EHMT1: variants seen among roughly 807,000 people sequenced by gnomAD.
The protein encoded by EHMT1 is euchromatic histone lysine methyltransferase 1, also known as histone-lysine N-methyltransferase EHMT1.
EHMT1 carries 15 observed loss-of-function variants against 147.2 expected under a neutral mutation model. The ratio of observed to expected loss-of-function variants is 0.10; its 90% CI spans 0.07 to 0.16. The LOEUF is 0.16. Ranked by LOEUF, EHMT1 falls within the 10% of genes least tolerant of loss-of-function variation. The pLI, the probability that EHMT1 is intolerant of heterozygous loss-of-function variation, is 1.00. For synonymous variants in EHMT1, 795 were observed against 709.6 expected, an observed-to-expected ratio of 1.12 and a Z score of -1.91; for missense variants, 1,587 against 1,772.4, an observed-to-expected ratio of 0.90 and a Z score of 1.88.
chr9:137,755,267 GCA>G (rs1949295276), intron 8 of EHMT1, among the ~76,000 whole-genome samples: 1 of 152,114 alleles, frequency 6.6e-6, no homozygotes, highest in African/African-American at 2.4e-5. Flanking sequence ...CTGCTCCCAG[GCA>G]GCCCCTGGTC....
Position 137,817,622 on chromosome 9 carries a change from C to T in EHMT1, c.3461+97C>T. 2.0e-6 allele frequency: 3 copies of T among 1,504,316 alleles called. No homozygotes were observed. In the South Asian group the frequency reaches 3.4e-5, roughly 17 times the overall value. 93.2% of individuals were successfully genotyped at this position (1,504,316 alleles called of 1,614,324 possible). On this transcript the variant is annotated intron_variant, in intron 24 of 26. Transcript: ENST00000460843. ...CAGGAAGCCCCTCTGGGAGCAGGCA[C>T]ATCCCTGGCGTACAGCAGCGTGGGG... is the stretch of plus-strand genomic sequence containing the variant.
intron 6 of EHMT1, chr9:137,746,643 A>C (rs1377221743): frequency 1.3e-5 from 2 of 152,230 alleles, no homozygotes; most frequent in Non-Finnish European, 2.9e-5. Flanking sequence ...GAATGGGGGA[A>C]GTTTATGACA....
At chr9:137,816,274 C>CGGCATGAGAGAAGGAGCAGGTTGTTG (rs1319598638) in intron 23 of EHMT1, 1 of 615,292 alleles carries the variant, frequency 1.6e-6, no homozygotes, top group African/African-American at 1.8e-5. Context: ...GCACAGACTT[C>CGGCATGAGAGAAGGAGCAGGTTGTTG]GGCATGAGAG....
At chr9:137,651,691 A>AG (rs2133954519) in intron 1 of EHMT1, among the ~76,000 whole-genome samples, 1 of 152,308 alleles carries the variant, frequency 6.6e-6, no homozygotes, top group South Asian at 2.1e-4. Flanking sequence ...GCTACTTGGG[A>AG]GGCTGAGGCA....
intron 1 of EHMT1, among the ~76,000 whole-genome samples, chr9:137,671,661 A>T (rs779467827): frequency 3.3e-4 from 50 of 151,280 alleles, no homozygotes; most frequent in Non-Finnish European, 6.3e-4. Context: ...GGTAGCTTGG[A>T]CTACAGGCGT....
intron 10 of EHMT1, among the ~76,000 whole-genome samples, chr9:137,773,912 C>G (rs1269878906): frequency 2.0e-5 from 3 of 152,192 alleles, no homozygotes; most frequent in South Asian, 2.1e-4. Context: ...AGAGAACTTT[C>G]CGTAGCAAAC....
intron 19 of EHMT1, 71 bp downstream of exon 19, chr9:137,811,686 A>G (rs1954498167): frequency 1.3e-6 from 2 of 1,590,890 alleles, no homozygotes; most frequent in African/African-American, 1.3e-5. Context: ...ACCGCTTGAC[A>G]GTCTTGTGTT....
intron 1 of EHMT1, among the ~76,000 whole-genome samples, chr9:137,709,084 G>A (rs180862816): frequency 6.9e-4 from 105 of 152,320 alleles, no homozygotes; most frequent in African/African-American, 2.2e-3. Context: ...TGACCTGGTC[G>A]ATGCAAAGGG....
chr9:137,779,839 T>C, intron 14 of EHMT1, 122 bp downstream of exon 14: 1 of 1,078,110 alleles, frequency 9.3e-7, no homozygotes, highest in South Asian at 1.3e-5. Flanking sequence ...TTTCTGTGTC[T>C]CCGAGTTCTC....
intron 4 of EHMT1, among the ~76,000 whole-genome samples, chr9:137,740,440 C>T (rs1947955346): frequency 6.6e-6 from 1 of 152,144 alleles, no homozygotes; most frequent in Admixed American, 6.5e-5. Context: ...GGCCCTCGAG[C>T]CTCTTCGAAG....
intron 15 of EHMT1, among the ~76,000 whole-genome samples, chr9:137,789,633 G>T (rs1255205330): frequency 6.6e-6 from 1 of 152,212 alleles, no homozygotes; most frequent in African/African-American, 2.4e-5. Context: ...CTGACCCTTG[G>T]TCTGTGGACC....
At chr9:137,820,964 G>A (rs1178451479) in intron 25 of EHMT1, among the ~76,000 whole-genome samples, 4 of 152,112 alleles carry the variant, frequency 2.6e-5, no homozygotes, top group East Asian at 1.9e-4. Flanking sequence ...TGCAAGCTCC[G>A]CCTCCCAGGT....
In EHMT1 at chr9:137,790,915, A is replaced by G; in HGVS notation, c.2450A>G (p.Asn817Ser). The G allele has an allele frequency of 6.2e-7, 1 of 1,614,152 alleles. No homozygotes were observed. Among genetic ancestry groups the G allele is most frequent in the Non-Finnish European group, 8.5e-7 (1 of 1,180,030 alleles). ...CCGTTGATGGAAGCAGCCGAAAACA[A>G]CCATCTGGAAGCAGTGAAGTACCTC... ...RTPLMEAAEN[N>S]HLEAVKYLIK... is the part of the protein sequence containing the mutation. The change falls in exon 16 of 27, where the codon AAC (asparagine) becomes AGC (serine). Residue 817 changes from asparagine (N) to serine (S), a missense_variant. Transcript: ENST00000460843.
rs895907793 is a variant in EHMT1, at chr9:137,830,545, T to G, written c.3541-3804T>G. Among the ~76,000 whole-genome samples, 3 of 152,252 alleles carry G rather than the reference T, an allele frequency of 2.0e-5. 1 individual carries two copies. Among genetic ancestry groups the G allele is most frequent in the Non-Finnish European group, 1.5e-5 (1 of 68,038 alleles). On this transcript the variant is annotated intron_variant, in intron 25 of 26. Coordinates refer to ENST00000460843, the MANE Select transcript of EHMT1 (RefSeq NM_024757.5). ...ATCTCTTACAATAAAAATTTTGGTT[T>G]CTAAAATCTTTAGTTTCAAAATAGC...
chr9:137,665,567 C>T (rs952008735), intron 1 of EHMT1, among the ~76,000 whole-genome samples: 8 of 152,304 alleles, frequency 5.3e-5, no homozygotes, highest in East Asian at 1.9e-4. Flanking sequence ...GGTAAAATGT[C>T]TCTGTGAGTT....
intron 1 of EHMT1, among the ~76,000 whole-genome samples, chr9:137,684,362 T>A (rs1026974427): frequency 6.6e-6 from 1 of 152,192 alleles, no homozygotes; most frequent in African/African-American, 2.4e-5. Flanking sequence ...TAATTTCAAC[T>A]GAATAGAAAA....
intron 1 of EHMT1, among the ~76,000 whole-genome samples, chr9:137,686,687 A>G (rs1300532807): frequency 1.4e-5 from 2 of 147,246 alleles, no homozygotes; most frequent in Non-Finnish European, 3.0e-5. Context: ...AGCTGAGTCA[A>G]TTTTTATACA....
In EHMT1 at chr9:137,731,665, T is replaced by C. The variant is rs1947122840; in HGVS notation, c.823+3136T>C. Among the ~76,000 whole-genome samples the C allele has an allele frequency of 6.6e-6, 1 of 152,142 alleles. No homozygotes were observed. Among genetic ancestry groups the C allele is most frequent in the African/African-American group, 2.4e-5 (1 of 41,444 alleles). On this transcript the variant is annotated intron_variant, in intron 4 of 26. Transcript: ENST00000460843. This position sits in a 1 kb window ranked among gnomAD's most constrained non-coding sequence, Gnocchi z 4.3. Reference sequence around the variant, plus strand: ...CCTCTGCAGCCAGCGGCGCCTCTGCTTGAGTTTCACTTGCACCTGCTGGGC... The same window carrying C: ...CCTCTGCAGCCAGCGGCGCCTCTGCCTGAGTTTCACTTGCACCTGCTGGGC...
At chr9:137,632,661 C>T (rs1233995860) in intron 1 of EHMT1, among the ~76,000 whole-genome samples, 11 of 152,212 alleles carry the variant, frequency 7.2e-5, no homozygotes, top group Non-Finnish European at 1.5e-5. Context: ...GCCTTGGCCT[C>T]CTACGGTGCT....
Sources: allele counts gnomAD v4.1 joint callset (sites outside exome capture counted in the v4.1 genomes callset), GRCh38; gene constraint gnomAD v4.1.1; non-coding constraint Gnocchi (gnomAD v3.1); transcripts MANE v1.5; gene names NCBI Gene and HGNC (gene_info 2026-07-23, HGNC 2026-07-21).